The following CILK1 variants were observed in gnomAD, a reference collection of about 807,000 sequenced individuals.
CILK1 encodes the protein serine/threonine-protein kinase ICK.
Under a neutral mutation model 79.2 loss-of-function variants are expected in CILK1, and 47 were observed. That is an observed-to-expected ratio of 0.59 (90% CI 0.47 to 0.76). The LOEUF is 0.76. Ranked by LOEUF, CILK1 falls within the 30% of genes least tolerant of loss-of-function variation. The pLI is 0.00. For missense variants in CILK1, 660 were observed against 769.5 expected, an observed-to-expected ratio of 0.86 and a Z score of 1.68; for synonymous variants, 266 against 275.9, an observed-to-expected ratio of 0.96 and a Z score of 0.36.
At chr6:53,024,446 T>C (rs1765442147) in intron 5 of CILK1, among the ~76,000 whole-genome samples, 1 of 152,238 alleles carries the variant, frequency 6.6e-6, no homozygotes, top group South Asian at 2.1e-4. Flanking sequence ...AGACTTAGCA[T>C]AACTGAGTCA....
rs559685532 is a variant in CILK1 at position 53,016,622 on chromosome 6, A to T, written c.664-372T>A. The stretch of plus-strand genomic sequence containing the variant: ...TATTCTTTTGGGGAAAACAAAATAA[A>T]ACAAAACATTTTGTTCCTGGACAAA... On this transcript the variant is annotated intron_variant, in intron 7 of 13. Coordinates refer to ENST00000676107, the MANE Select transcript of CILK1 (RefSeq NM_014920.5). 4.7e-3 allele frequency among the ~76,000 whole-genome samples: 721 copies of T among 152,356 alleles called. 10 individuals carry two copies. The highest frequency in any genetic ancestry group is 0.045 in the South Asian group (217 of 4,828).
At chr6:53,055,460 G>C (rs1767791695) in intron 1 of CILK1, among the ~76,000 whole-genome samples, 1 of 152,182 alleles carries the variant, frequency 6.6e-6, no homozygotes, top group African/African-American at 2.4e-5. Context: ...AGGAATAGCA[G>C]TTACAAAGCC....
At chr6:53,044,115 G>A (rs905433009) in intron 1 of CILK1, among the ~76,000 whole-genome samples, 2 of 152,122 alleles carry the variant, frequency 1.3e-5, no homozygotes, top group Admixed American at 6.5e-5. Flanking sequence ...CTGTACTGGA[G>A]AAGAAAATGC....
intron 5 of CILK1, among the ~76,000 whole-genome samples, chr6:53,030,390 T>C (rs1765858064): frequency 6.6e-6 from 1 of 152,228 alleles, no homozygotes; most frequent in African/African-American, 2.4e-5. Context: ...GTATCAAGAA[T>C]AGTTCTGCTT....
intron 12 of CILK1, among the ~76,000 whole-genome samples, chr6:53,009,094 C>T (rs1027172989): frequency 7.2e-5 from 11 of 152,212 alleles, no homozygotes; most frequent in Non-Finnish European, 5.9e-5. Flanking sequence ...GCAGACACAG[C>T]CAAGGGTGAC....
At chr6:53,020,198 C>G (rs1765149925) in intron 5 of CILK1, among the ~76,000 whole-genome samples, 1 of 152,178 alleles carries the variant, frequency 6.6e-6, no homozygotes, top group Admixed American at 6.5e-5. Context: ...ACGTAGGAAG[C>G]CTGTCTCAGC....
chr6:53,040,710 T>C (rs1766643389), intron 2 of CILK1, among the ~76,000 whole-genome samples: 1 of 152,224 alleles, frequency 6.6e-6, no homozygotes, highest in Non-Finnish European at 1.5e-5. Context: ...CAATAACAGA[T>C]AACTAATACA....
chr6:53,043,658 G>A (rs760475564), intron 1 of CILK1, among the ~76,000 whole-genome samples: 3 of 152,084 alleles, frequency 2.0e-5, no homozygotes, highest in Non-Finnish European at 4.4e-5. Flanking sequence ...AGCACCTTCT[G>A]TGTGACAGAT....
chr6:53,032,588 G>A lies in CILK1; in HGVS notation c.223C>T (p.Leu75Phe), dbSNP rs1766040719. The A allele has an allele frequency of 1.2e-6, 2 of 1,606,306 alleles. No individual in the cohort carries two copies. The highest frequency in any genetic ancestry group is 8.5e-7 in the Non-Finnish European group (1 of 1,174,094). ...TTCATGTACTCGAAGATAAAATAAAGATGATCATTTTCCCTGATAACTTCT... is the reference window on the plus strand; with the variant it reads ...TTCATGTACTCGAAGATAAAATAAAAATGATCATTTTCCCTGATAACTTCT... ...LKEVIRENDH[L>F]YFIFEYMKEN... is the part of the protein sequence containing the mutation. The change falls in exon 4 of 14, where the codon CTT (leucine) becomes TTT (phenylalanine). Residue 75 changes from leucine to phenylalanine, a missense_variant. Physicochemically the swap from Leu to Phe is conservative, Grantham distance 22. Coordinates refer to ENST00000676107, the MANE Select transcript of CILK1 (RefSeq NM_014920.5).
At chr6:53,006,783 T>C (rs1376075938) in intron 12 of CILK1, among the ~76,000 whole-genome samples, 2 of 152,232 alleles carry the variant, frequency 1.3e-5, no homozygotes, top group Non-Finnish European at 2.9e-5. Flanking sequence ...CTCCATAATA[T>C]AGAATAGTTA....
At chr6:53,026,708 T>A (rs1002453983) in intron 5 of CILK1, among the ~76,000 whole-genome samples, 1 of 152,220 alleles carries the variant, frequency 6.6e-6, no homozygotes, top group Non-Finnish European at 1.5e-5. Context: ...TAAGCCTACT[T>A]CTTCCTTTGG....
intron 2 of CILK1, among the ~76,000 whole-genome samples, chr6:53,038,476 TCATA>T (rs1766499934): frequency 6.6e-6 from 1 of 152,198 alleles, no homozygotes; most frequent in South Asian, 2.1e-4. Context: ...TTACTTGCTA[TCATA>T]CTAGACAGCA....
At chr6:53,019,949 A>T (rs1237262775) in intron 5 of CILK1, among the ~76,000 whole-genome samples, 2 of 152,026 alleles carry the variant, frequency 1.3e-5, no homozygotes, top group Admixed American at 1.3e-4. Context: ...TGGGATTATA[A>T]GTGTGAGCCA....
chr6:53,032,603 T>A lies in CILK1; in HGVS notation c.208A>T (p.Arg70Trp), dbSNP rs1401572084. 1 of 1,606,270 alleles carries A rather than the reference T, an allele frequency of 6.2e-7. No homozygotes were observed. The highest frequency in any genetic ancestry group is 8.5e-7 in the Non-Finnish European group (1 of 1,174,076). ...ATAAAATAAAGATGATCATTTTCCC[T>A]GATAACTTCTTTTAATTTGACTACA... ...ANVVKLKEVI[R>W]ENDHLYFIFE... Residue 70 changes from arginine to tryptophan, a missense_variant, in exon 4 of 14, where the codon AGG (arginine) becomes TGG (tryptophan). Transcript: ENST00000676107.
At position 53,041,120 on chromosome 6, in the gene CILK1, G is replaced by A. The variant is rs1439076820; in HGVS notation, c.101+16C>T. ...GTAGAGTTAAAATTATCATGGCAGT[G>A]AAGGATCAAACTTACTTTTTAATAG... On this transcript the variant is annotated intron_variant, in intron 2 of 13. Coordinates refer to ENST00000676107, the MANE Select transcript of CILK1 (RefSeq NM_014920.5). 2 of 1,529,666 alleles carry A rather than the reference G, an allele frequency of 1.3e-6. No homozygotes were observed. Among genetic ancestry groups the A allele is most frequent in the Non-Finnish European group, 1.8e-6 (2 of 1,103,076 alleles). The allele number at this position is 1,529,666 out of a possible 1,614,324, so 94.8% of individuals were successfully genotyped here. A position where few individuals can be genotyped will look rare whatever the true frequency, so the allele number is the denominator to read the frequency against.
rs140037790 is a variant in CILK1 at position 53,020,682 on chromosome 6, C to A, written c.359-1323G>T. 6.6e-5 allele frequency among the ~76,000 whole-genome samples: 10 copies of A among 152,256 alleles called. No individual in the cohort carries two copies. In the East Asian group the frequency reaches 1.7e-3, roughly 26 times the overall value. On this transcript the variant is annotated intron_variant, in intron 5 of 13. Transcript: ENST00000676107. Reference sequence around the variant, plus strand: ...ACCCAAGCATTTCAAGTAAGAGATACTCAATCTGTATCAATGTTGTGAAAG... The same window carrying A: ...ACCCAAGCATTTCAAGTAAGAGATAATCAATCTGTATCAATGTTGTGAAAG...
chr6:53,006,197 T>C, intron 13 of CILK1, 118 bp downstream of exon 13: 3 of 908,640 alleles, frequency 3.3e-6, no homozygotes, highest in Middle Eastern at 3.2e-4. Flanking sequence ...ACTTATTGTC[T>C]GTAGAGTGCA....
chr6:53,047,500 C>CT (rs574158671), intron 1 of CILK1, among the ~76,000 whole-genome samples: 14,097 of 82,346 alleles, frequency 0.17, 1,537 homozygotes, highest in African/African-American at 0.32. Context: ...GATGAGGTCT[C>CT]TTTTTTTTTT....
At chr6:53,007,940 A>AAAAT (rs904206046) in intron 12 of CILK1, among the ~76,000 whole-genome samples, 8 of 151,610 alleles carry the variant, frequency 5.3e-5, no homozygotes, top group African/African-American at 1.7e-4. Flanking sequence ...ACTGCGTCTT[A>AAAAT]AAATAAATAA....
Sources: allele counts gnomAD v4.1 joint callset (sites outside exome capture counted in the v4.1 genomes callset), GRCh38; gene constraint gnomAD v4.1.1; transcripts MANE v1.5; gene names NCBI Gene and HGNC (gene_info 2026-07-23, HGNC 2026-07-21).